The following ITPA variants were observed in gnomAD, a reference collection of about 807,000 sequenced individuals.
The protein encoded by ITPA is inosine triphosphate pyrophosphatase.
ITPA carries 29 observed loss-of-function variants against 29.6 expected under a neutral mutation model. That is an observed-to-expected ratio of 0.98 (90% CI 0.73 to 1.34). The LOEUF (loss-of-function observed/expected upper bound fraction) is 1.34. ITPA is among the 40% of genes most tolerant of loss of function. The pLI is 0.00. For synonymous variants in ITPA, 103 were observed against 99.3 expected, an observed-to-expected ratio of 1.04 and a Z score of -0.22; for missense variants, 241 against 251.5, an observed-to-expected ratio of 0.96 and a Z score of 0.28.
upstream of ITPA, among the ~76,000 whole-genome samples, chr20:3,206,438 A>G (rs978735739): frequency 2.0e-5 from 3 of 149,662 alleles, no homozygotes; most frequent in African/African-American, 7.4e-5. Flanking sequence ...CACGCCTACA[A>G]TCCCAACCAA....
At position 3,210,636 on chromosome 20, in the gene ITPA, C is replaced by T. The variant is rs200317922; in HGVS notation, c.66+1019C>T. On this transcript the variant is annotated intron_variant, in intron 1 of 7. Coordinates refer to ENST00000380113, the MANE Select transcript of ITPA (RefSeq NM_033453.4). ...CTTCTCAGGAACCAGAGCCTTTTGC[C>T]GAAAAAAGGTTTGGGATCCTGAGGC... Among the ~76,000 whole-genome samples, 10 of 152,084 alleles carry T rather than the reference C, an allele frequency of 6.6e-5. No individual in the cohort carries two copies. The East Asian group carries it at 1.5e-3, about 24-fold the overall frequency.
At chr20:3,204,594 C>T, upstream of ITPA, 2 of 1,588,332 alleles carry the variant, frequency 1.3e-6, no homozygotes, top group Non-Finnish European at 1.7e-6. Flanking sequence ...ACTAGCAGAG[C>T]CGCCGCTACC....
At chr20:3,205,940 C>T (rs2067066773), upstream of ITPA, among the ~76,000 whole-genome samples, 1 of 151,624 alleles carries the variant, frequency 6.6e-6, no homozygotes. Context: ...CCTGTAATCC[C>T]AGCTACTCGG....
At chr20:3,219,638 G>C (rs971797730) in intron 6 of ITPA, among the ~76,000 whole-genome samples, 1 of 151,684 alleles carries the variant, frequency 6.6e-6, no homozygotes, top group Non-Finnish European at 1.5e-5. Flanking sequence ...CCAGCTACTG[G>C]GGAGGCTGAG....
chr20:3,213,503 G>A lies in ITPA; in HGVS notation c.189+120G>A, dbSNP rs1015154000. The A allele has an allele frequency of 6.0e-6, 7 of 1,172,966 alleles. No homozygotes were observed. The African/African-American group carries it at 9.1e-5, about 15-fold the overall frequency. The allele number at this position is 1,172,966 out of a possible 1,614,324, so 72.7% of individuals were successfully genotyped here. On this transcript the variant is annotated intron_variant, in intron 3 of 7. Coordinates refer to ENST00000380113, the MANE Select transcript of ITPA (RefSeq NM_033453.4). ...TTGAGCTTTCTAGGACCGGCCCAGAGTCCTCTAGGGTTCAGTTAATATTGG... is the reference window on the plus strand; with the variant it reads ...TTGAGCTTTCTAGGACCGGCCCAGAATCCTCTAGGGTTCAGTTAATATTGG...
At chr20:3,215,423 A>G (rs2067271874) in intron 5 of ITPA, 111 bp downstream of exon 5, 3 of 943,556 alleles carry the variant, frequency 3.2e-6, no homozygotes, top group Admixed American at 1.9e-5. Context: ...AGCCCCCACC[A>G]TGGAGCCTCC....
Position 3,214,079 on chromosome 20 carries a change from C to T in ITPA, c.263+21C>T. 3.7e-6 allele frequency: 6 copies of T among 1,611,972 alleles called. 1 individual carries two copies. The South Asian group carries it at 5.5e-5, about 15-fold the overall frequency. ...TACATGTGAGTGACTACCTCCACCC[C>T]CTTACAGGGCGTCAGGCCCAAAACC... is the stretch of plus-strand genomic sequence containing the variant. On this transcript the variant is annotated intron_variant, in intron 4 of 7. Coordinates refer to ENST00000380113, the MANE Select transcript of ITPA (RefSeq NM_033453.4).
upstream of ITPA, chr20:3,208,989 G>A (rs1392916398): frequency 6.1e-6 from 1 of 162,644 alleles, no homozygotes; most frequent in South Asian, 1.5e-4. Flanking sequence ...ATGAGGAAGT[G>A]AGGAACTCTA....
At chr20:3,208,240 C>T (rs549029073), upstream of ITPA, among the ~76,000 whole-genome samples, 49 of 152,112 alleles carry the variant, frequency 3.2e-4, no homozygotes, top group African/African-American at 1.0e-3. Flanking sequence ...TCAGGCTCCT[C>T]GGGGTAACTG....
downstream of ITPA, among the ~76,000 whole-genome samples, chr20:3,227,103 T>A (rs3810559): frequency 7.9e-5 from 12 of 152,060 alleles, no homozygotes; most frequent in African/African-American, 1.2e-4. Context: ...GCTGTCACCC[T>A]GATGGTCCCT....
In ITPA at chr20:3,223,515, C is replaced by G; in HGVS notation, c.*53C>G. The G allele has an allele frequency of 3.5e-5, 49 of 1,398,764 alleles. 1 individual carries two copies. The South Asian group carries it at 5.6e-4, about 16-fold the overall frequency. The allele number at this position is 1,398,764 out of a possible 1,614,324, so 86.6% of individuals were successfully genotyped here. On this transcript the variant is annotated 3_prime_UTR_variant, in exon 8 of 8. Transcript: ENST00000380113. ...GCCGGGGATCTGGGGAGGGCTAGCC[C>G]AAAACCTCCCGCATCGGGCAGGCAC...
intron 1 of ITPA, 32 bp from the exon 2 acceptor site, chr20:3,213,137 G>C: frequency 6.3e-7 from 1 of 1,590,040 alleles, no homozygotes; most frequent in Non-Finnish European, 8.6e-7. Context: ...ATCACTAGAT[G>C]GTGATAAGTG....
intron 6 of ITPA, among the ~76,000 whole-genome samples, chr20:3,221,048 G>A (rs2067450265): frequency 6.6e-6 from 1 of 151,972 alleles, no homozygotes; most frequent in Non-Finnish European, 1.5e-5. Context: ...ACCAGGCTAG[G>A]CTAATTTTTG....
chr20:3,220,637 C>G (rs2067439192), intron 6 of ITPA, among the ~76,000 whole-genome samples: 1 of 151,922 alleles, frequency 6.6e-6, no homozygotes, highest in African/African-American at 2.4e-5. Context: ...CAGCCTTGAT[C>G]TCTCAGGCTC....
intron 4 of ITPA, 136 bp downstream of exon 4, chr20:3,214,194 C>A (rs1279674431): frequency 5.1e-6 from 4 of 784,552 alleles, no homozygotes; most frequent in African/African-American, 1.7e-5. Context: ...CGAGGAAAGA[C>A]GGGATAGGAG....
At chr20:3,204,511 A>G (rs1447562710), upstream of ITPA, 18 of 1,543,690 alleles carry the variant, frequency 1.2e-5, no homozygotes, top group Non-Finnish European at 1.6e-5. Context: ...CGGTACCACC[A>G]ACCCTGGTGC....
In ITPA at chr20:3,218,572, G is replaced by T; in HGVS notation, c.351G>T (p.Thr117=). The change falls in exon 6 of 8, where the codon ACG becomes ACT. Residue 117 remains threonine, a synonymous_variant. Coordinates refer to ENST00000380113, the MANE Select transcript of ITPA (RefSeq NM_033453.4). ...FEDKSAYALC[T]FALSTGDPSQ... ...ACAAGTCAGCCTATGCGCTCTGCAC[G>T]TTTGCACTCAGCACCGGGGACCCAA... is the stretch of plus-strand genomic sequence containing the variant. 1 of 1,613,940 alleles carries T rather than the reference G, an allele frequency of 6.2e-7. No individual in the cohort carries two copies. The highest frequency in any genetic ancestry group is 8.5e-7 in the Non-Finnish European group (1 of 1,180,024).
At chr20:3,214,184 C>G (rs780700851) in intron 4 of ITPA, 126 bp downstream of exon 4, 1 of 820,344 alleles carries the variant, frequency 1.2e-6, no homozygotes, top group African/African-American at 1.7e-5. Flanking sequence ...CACGTTGTCC[C>G]GAGGAAAGAC....
upstream of ITPA, among the ~76,000 whole-genome samples, chr20:3,208,446 G>C (rs1470696868): frequency 6.6e-6 from 1 of 152,068 alleles, no homozygotes; most frequent in African/African-American, 2.4e-5. Context: ...CACGATCTCC[G>C]CTCACTGCAA....
Sources: allele counts gnomAD v4.1 joint callset (sites outside exome capture counted in the v4.1 genomes callset), GRCh38; gene constraint gnomAD v4.1.1; transcripts MANE v1.5; gene names NCBI Gene and HGNC (gene_info 2026-07-23, HGNC 2026-07-21).